C1orf87: variants seen among roughly 807,000 people sequenced by gnomAD.
C1orf87 encodes chromosome 1 open reading frame 87, also known as uncharacterized protein C1orf87.
C1orf87 carries 58 observed loss-of-function variants against 60.5 expected under a neutral mutation model. The observed-to-expected ratio is 0.96, with a 90% CI of 0.78 to 1.19. The LOEUF is 1.19. Among genes scored for constraint, C1orf87 ranks in the 50% most tolerant of loss-of-function variants. The probability of loss-of-function intolerance (pLI) is 0.00; values close to 1 mark genes in which losing one functional copy is unlikely to be tolerated. For missense variants in C1orf87, 673 were observed against 638.6 expected (o/e 1.05, Z -0.58); for synonymous variants, 236 against 227.4 (o/e 1.04, Z -0.34).
chr1:60,029,493 C>A (rs1246142937), intron 7 of C1orf87, among the ~76,000 whole-genome samples: 4 of 152,112 alleles, frequency 2.6e-5, no homozygotes, highest in Non-Finnish European at 5.9e-5. Context: ...AAAGACCCTT[C>A]ATAAACTGGC....
intron 9 of C1orf87, among the ~76,000 whole-genome samples, chr1:60,002,856 CT>C (rs1259486178): frequency 5.6e-4 from 84 of 149,346 alleles, no homozygotes; most frequent in South Asian, 1.3e-3. Context: ...AATAGGAACA[CT>C]TTTACACTGT....
intron 9 of C1orf87, among the ~76,000 whole-genome samples, chr1:60,006,216 G>A (rs1285479208): frequency 1.3e-5 from 2 of 152,002 alleles, no homozygotes; most frequent in African/African-American, 4.8e-5. Flanking sequence ...TGAAGATGAT[G>A]CCAACAGGAG....
intron 2 of C1orf87, among the ~76,000 whole-genome samples, chr1:60,057,438 G>A (rs149417832): frequency 1.3e-5 from 2 of 152,228 alleles, no homozygotes; most frequent in African/African-American, 4.8e-5. Context: ...GGAATATAGG[G>A]TTTCAGATAA....
chr1:60,052,088 G>T lies in C1orf87; in HGVS notation c.342+3116C>A, dbSNP rs112092129. ...TCATGTGCCTTTACCTACCTTGCAA[G>T]GCTATTGTGGAGAAGGAACAAGGGA... is the stretch of plus-strand genomic sequence containing the variant. On this transcript the variant is annotated intron_variant, in intron 3 of 11. Transcript: ENST00000371201. Among the ~76,000 whole-genome samples the T allele has an allele frequency of 2.9e-3, 449 of 152,282 alleles. 2 individuals carry two copies. Among genetic ancestry groups the T allele is most frequent in the African/African-American group, 0.01 (433 of 41,566 alleles).
chr1:60,007,415 C>G (rs901240163), intron 9 of C1orf87, among the ~76,000 whole-genome samples: 7 of 151,938 alleles, frequency 4.6e-5, no homozygotes, highest in African/African-American at 1.5e-4. Context: ...GATTCAAATT[C>G]TTTGCTGAAA....
chr1:59,993,692 C>T (rs574726448), intron 11 of C1orf87, among the ~76,000 whole-genome samples: 5 of 151,882 alleles, frequency 3.3e-5, no homozygotes, highest in African/African-American at 9.7e-5. Flanking sequence ...CCCTTACAAT[C>T]CATCTTAGTG....
chr1:60,066,670 A>T (rs1645548194), intron 2 of C1orf87, among the ~76,000 whole-genome samples: 1 of 151,496 alleles, frequency 6.6e-6, no homozygotes, highest in South Asian at 2.1e-4. Context: ...CCTCCCATGA[A>T]TCACAAATGT....
chr1:60,062,377 A>G (rs1645503056), intron 2 of C1orf87, among the ~76,000 whole-genome samples: 1 of 152,150 alleles, frequency 6.6e-6, no homozygotes, highest in South Asian at 2.1e-4. Context: ...AATCATTTCC[A>G]CAGAACTGAT....
intron 3 of C1orf87, among the ~76,000 whole-genome samples, chr1:60,053,019 C>T (rs2100315433): frequency 6.6e-6 from 1 of 152,296 alleles, no homozygotes; most frequent in Non-Finnish European, 1.5e-5. Context: ...AGGGGAGGGG[C>T]AAATTTTCTC....
chr1:60,040,920 A>G lies in C1orf87; in HGVS notation c.483+71T>C, dbSNP rs1175603897. On this transcript the variant is annotated intron_variant, in intron 4 of 11. Coordinates refer to ENST00000371201, the MANE Select transcript of C1orf87 (RefSeq NM_152377.3). The stretch of plus-strand genomic sequence containing the variant: ...CAGACCAACTTATCTTCTGCTCCAC[A>G]TCAAGAAATTGAGTCAACAACACTC... The G allele has an allele frequency of 3.4e-6, 5 of 1,475,472 alleles. No homozygotes were observed. The East Asian group carries it at 7.2e-5, about 21-fold the overall frequency. 91.4% of individuals were successfully genotyped at this position (1,475,472 alleles called of 1,614,324 possible). A position where few individuals can be genotyped will look rare whatever the true frequency, so the allele number is the denominator to read the frequency against.
At chr1:60,026,105 T>A (rs1645196564) in intron 7 of C1orf87, among the ~76,000 whole-genome samples, 2 of 152,212 alleles carry the variant, frequency 1.3e-5, no homozygotes, top group African/African-American at 4.8e-5. Context: ...TCTGAACTAG[T>A]ACAAACCAGT....
At chr1:60,002,831 G>A (rs1645016948) in intron 9 of C1orf87, among the ~76,000 whole-genome samples, 2 of 150,498 alleles carry the variant, frequency 1.3e-5, no homozygotes, top group African/African-American at 4.9e-5. Flanking sequence ...ACAGGTGCTG[G>A]AGAGGATGTG....
At chr1:60,006,919 C>CA in intron 9 of C1orf87, among the ~76,000 whole-genome samples, 1 of 149,976 alleles carries the variant, frequency 6.7e-6, no homozygotes, top group Admixed American at 6.7e-5. Flanking sequence ...CTCTTGCATA[C>CA]TTTTTTTTTT....
At chr1:60,028,125 A>C (rs1240976724) in intron 7 of C1orf87, among the ~76,000 whole-genome samples, 1 of 152,186 alleles carries the variant, frequency 6.6e-6, no homozygotes, top group Non-Finnish European at 1.5e-5. Flanking sequence ...GGAGGTTGGC[A>C]AAAAAATAAA....
At chr1:60,027,455 TGCATGGTGTGGCCTGGCCCC>T (rs1219117869) in intron 7 of C1orf87, among the ~76,000 whole-genome samples, 1 of 152,196 alleles carries the variant, frequency 6.6e-6, no homozygotes, top group Non-Finnish European at 1.5e-5. Context: ...CCTCTGGCCC[TGCATGGTGTGGCCTGGCCCC>T]GCATGGTGTG....
intron 8 of C1orf87, among the ~76,000 whole-genome samples, chr1:60,015,029 C>A (rs1645115956): frequency 6.6e-6 from 1 of 152,144 alleles, no homozygotes; most frequent in Admixed American, 6.5e-5. Context: ...GAAGGAGGAG[C>A]CAGACAGGAG....
chr1:60,029,612 C>G lies in C1orf87; in HGVS notation c.1029+3864G>C, dbSNP rs1454700720. Reference sequence around the variant, plus strand: ...TGCGACTTCTACCGAGAACACTTTTCCCATCTCTTCCCCTGTCCCCCCAAG... The same window carrying G: ...TGCGACTTCTACCGAGAACACTTTTGCCATCTCTTCCCCTGTCCCCCCAAG... On this transcript the variant is annotated intron_variant, in intron 7 of 11. Transcript: ENST00000371201. Among the ~76,000 whole-genome samples the G allele has an allele frequency of 2.0e-5, 3 of 150,138 alleles. No homozygotes were observed. The Admixed American group carries it at 2.0e-4, about 10-fold the overall frequency.
Position 60,037,987 on chromosome 1 carries a change from A to G in C1orf87, c.863+5T>C, listed in dbSNP as rs199944111. On this transcript the variant is annotated splice_donor_5th_base_variant and intron_variant, in intron 6 of 11. Transcript: ENST00000371201. The stretch of plus-strand genomic sequence containing the variant: ...CAATACCCTCACAAAAAGGGAGAAG[A>G]GTACCTTTGGCTATGAGTGCCATGA... 2.1e-5 allele frequency: 34 copies of G among 1,592,764 alleles called. No individual in the cohort carries two copies. The East Asian group carries it at 7.6e-4, about 36-fold the overall frequency.
At chr1:59,990,866 T>C (rs770357198) in intron 11 of C1orf87, 33 bp from the exon 12 acceptor site, 38 of 1,605,932 alleles carry the variant, frequency 2.4e-5, no homozygotes, top group Middle Eastern at 3.4e-4. Context: ...GAAGGTTTTT[T>C]AAAGAGGATG....
Sources: gnomAD v4.1 joint callset for allele counts (sites outside exome capture counted in the v4.1 genomes callset) on GRCh38, gnomAD v4.1.1 for gene constraint, MANE v1.5 for transcripts, NCBI Gene and HGNC (gene_info 2026-07-23, HGNC 2026-07-21) for gene names.